Variants in ADARB2 observed in about 807,000 individuals in gnomAD.
The protein encoded by ADARB2 is inactive double-stranded RNA-specific editase B2.
In ADARB2, 25 loss-of-function variants were observed where a neutral mutation model predicts 62.2. The ratio of observed to expected loss-of-function variants is 0.40; its 90% CI spans 0.29 to 0.56. The LOEUF (loss-of-function observed/expected upper bound fraction) is 0.56. Ranked by LOEUF, ADARB2 falls within the 20% of genes least tolerant of loss-of-function variation. The pLI, the probability that ADARB2 is intolerant of heterozygous loss-of-function variation, is 0.43. For synonymous variants in ADARB2, 572 were observed against 500.8 expected, an observed-to-expected ratio of 1.14 and a Z score of -1.90; for missense variants, 1,071 against 1,077.4, an observed-to-expected ratio of 0.99 and a Z score of 0.08.
At chr10:1,352,332 T>C (rs1832151758) in intron 3 of ADARB2, among the ~76,000 whole-genome samples, 1 of 152,142 alleles carries the variant, frequency 6.6e-6, no homozygotes, top group African/African-American at 2.4e-5. Context: ...TTATATAAAC[T>C]CACAAAAGGA....
Position 1,426,472 on chromosome 10 carries a change from C to T in ADARB2, c.101-47312G>A, listed in dbSNP as rs1832894398. 6.6e-6 allele frequency among the ~76,000 whole-genome samples: 1 copy of T among 152,174 alleles called. No individual in the cohort carries two copies. Among genetic ancestry groups the T allele is most frequent in the Admixed American group, 6.5e-5 (1 of 15,288 alleles). ...ATTTGGAGAACACAGTCAGCATGCA[C>T]ACACATCATTCTTCAGGTGCAGTTA... On this transcript the variant is annotated intron_variant, in intron 1 of 9. Coordinates refer to ENST00000381312, the MANE Select transcript of ADARB2 (RefSeq NM_018702.4). This position sits in a 1 kb window ranked among gnomAD's most constrained non-coding sequence, Gnocchi z 4.1.
At chr10:1,658,352 A>G (rs1834199638) in intron 1 of ADARB2, among the ~76,000 whole-genome samples, 2 of 136,916 alleles carry the variant, frequency 1.5e-5, no homozygotes, top group African/African-American at 5.6e-5. Context: ...TGATTCTCTG[A>G]TTCTCTCTGT....
In ADARB2 at chr10:1,387,649, C is replaced by T. The variant is rs61833612; in HGVS notation, c.101-8489G>A. ...CATGTAAACTAGGCTCAGAGAGCTC[C>T]CTCTGGTGAACTGCAAGAAATATTT... On this transcript the variant is annotated intron_variant, in intron 1 of 9. Transcript: ENST00000381312. Among the ~76,000 whole-genome samples the T allele has an allele frequency of 5.0e-3, 754 of 151,970 alleles. 4 individuals carry two copies. Among genetic ancestry groups the T allele is most frequent in the Non-Finnish European group, 7.9e-3 (538 of 67,832 alleles).
intron 7 of ADARB2, among the ~76,000 whole-genome samples, chr10:1,213,506 CCT>C (rs556532897): frequency 8.2e-4 from 125 of 152,300 alleles, no homozygotes; most frequent in African/African-American, 2.8e-3. Flanking sequence ...TGGGCACCCC[CCT>C]GTCCACTGCA....
intron 1 of ADARB2, among the ~76,000 whole-genome samples, chr10:1,444,746 A>G (rs111164720): frequency 0.051 from 7,520 of 147,040 alleles, 599 homozygotes; most frequent in African/African-American, 0.18. Context: ...CCATCCATCC[A>G]TCCACCCATC....
At position 1,363,117 on chromosome 10, in the gene ADARB2, G is replaced by C. The variant is rs766198927; in HGVS notation, c.988C>G (p.Gln330Glu). ...TCCTGCAGTGCGGCCTGCGCGGCCT[G>C]ACCCCGGGCCAGCTTCTTGCTGCGC... ...SGRSKKLARG[Q>E]AAQAALQELF... The change falls in exon 3 of 10, where the codon CAG becomes GAG. Residue 330 changes from glutamine to glutamate, a missense_variant. By Grantham distance (29) the Gln-to-Glu change is conservative. Coordinates refer to ENST00000381312, the MANE Select transcript of ADARB2 (RefSeq NM_018702.4). The C allele has an allele frequency of 6.5e-7, 1 of 1,539,018 alleles. No individual in the cohort carries two copies. Among genetic ancestry groups the C allele is most frequent in the African/African-American group, 1.4e-5 (1 of 70,144 alleles).
intron 4 of ADARB2, among the ~76,000 whole-genome samples, chr10:1,243,667 C>T (rs532500669): frequency 2.0e-5 from 3 of 152,328 alleles, no homozygotes; most frequent in South Asian, 2.1e-4. Context: ...CGGGAGGGAC[C>T]GAGCACTGGG....
At chr10:1,286,950 T>A (rs889788620) in intron 3 of ADARB2, among the ~76,000 whole-genome samples, 29 of 152,152 alleles carry the variant, frequency 1.9e-4, no homozygotes, top group Non-Finnish European at 1.5e-5. Context: ...AACATTTTTT[T>A]AGAAAAAATA....
chr10:1,539,250 G>C (rs542507545), intron 1 of ADARB2, among the ~76,000 whole-genome samples: 2 of 152,274 alleles, frequency 1.3e-5, no homozygotes, highest in African/African-American at 4.8e-5. Context: ...TTTATTTTTT[G>C]GTTCAGCAGT....
intron 1 of ADARB2, among the ~76,000 whole-genome samples, chr10:1,404,551 C>G (rs1435212004): frequency 6.6e-6 from 1 of 152,230 alleles, no homozygotes; most frequent in Non-Finnish European, 1.5e-5. Flanking sequence ...TTGATTTTCT[C>G]AGTGACAACC....
At chr10:1,354,082 C>T (rs1489948174) in intron 3 of ADARB2, among the ~76,000 whole-genome samples, 1 of 152,124 alleles carries the variant, frequency 6.6e-6, no homozygotes, top group African/African-American at 2.4e-5. Flanking sequence ...TAGGTTTCCA[C>T]GCCACCCCTA....
At chr10:1,667,300 T>TTA (rs1374685546) in intron 1 of ADARB2, among the ~76,000 whole-genome samples, 2 of 152,194 alleles carry the variant, frequency 1.3e-5, no homozygotes, top group Non-Finnish European at 2.9e-5. Context: ...TCATATGTTT[T>TTA]ATGAGGCCTA....
At chr10:1,569,402 C>T (rs1469959983) in intron 1 of ADARB2, among the ~76,000 whole-genome samples, 1 of 152,190 alleles carries the variant, frequency 6.6e-6, no homozygotes, top group African/African-American at 2.4e-5. Context: ...GCCTGCAGAA[C>T]GTGAGCAGCA....
chr10:1,493,756 TTTTTTTTTTTTTTTTTTTTTG>T (rs1831651956), intron 1 of ADARB2, among the ~76,000 whole-genome samples: 1 of 81,148 alleles, frequency 1.2e-5, no homozygotes, highest in African/African-American at 4.4e-5. Flanking sequence ...TTTTTTTTTT[TTTTTTTTTTTTTTTTTTTTTG>T]AGATAGGGTC....
At chr10:1,725,924 G>C (rs1835158541) in intron 1 of ADARB2, among the ~76,000 whole-genome samples, 1 of 152,232 alleles carries the variant, frequency 6.6e-6, no homozygotes, top group African/African-American at 2.4e-5. Flanking sequence ...TCATAGTCAA[G>C]AGTACAGGGG....
intron 3 of ADARB2, among the ~76,000 whole-genome samples, chr10:1,279,346 C>T (rs183224936): frequency 2.7e-4 from 41 of 152,316 alleles, no homozygotes; most frequent in South Asian, 4.2e-4. Flanking sequence ...GACATAGTCT[C>T]CCTCTGTTGC....
chr10:1,680,712 C>T (rs1834525636), intron 1 of ADARB2, among the ~76,000 whole-genome samples: 2 of 152,154 alleles, frequency 1.3e-5, no homozygotes, highest in South Asian at 4.1e-4. Context: ...GACAGTTTTG[C>T]TTTAATAATT....
At chr10:1,381,702 C>T (rs141755371) in intron 1 of ADARB2, among the ~76,000 whole-genome samples, 1 of 152,296 alleles carries the variant, frequency 6.6e-6, no homozygotes, top group East Asian at 1.9e-4. Context: ...GTGCATGAAA[C>T]TGGAGGACCT....
intron 1 of ADARB2, among the ~76,000 whole-genome samples, chr10:1,724,565 C>T (rs889733346): frequency 3.3e-5 from 5 of 152,202 alleles, no homozygotes; most frequent in South Asian, 2.1e-4. Flanking sequence ...CCTGGGTCCC[C>T]GACAGAAAGT....
Sources: gnomAD v4.1 joint callset for allele counts (sites outside exome capture counted in the v4.1 genomes callset) on GRCh38, gnomAD v4.1.1 for gene constraint, Gnocchi (gnomAD v3.1) non-coding constraint, MANE v1.5 for transcripts, NCBI Gene and HGNC (gene_info 2026-07-23, HGNC 2026-07-21) for gene names.